The following MKNK1 variants were observed in gnomAD, a reference collection of about 807,000 sequenced individuals.
MKNK1 encodes MAP kinase-interacting serine/threonine-protein kinase 1.
MKNK1 carries 30 observed loss-of-function variants against 49.3 expected under a neutral mutation model. That is an observed-to-expected ratio of 0.61 (90% CI 0.46 to 0.83). The LOEUF (loss-of-function observed/expected upper bound fraction) is 0.83. MKNK1 is among the 40% of genes least tolerant of loss of function. MKNK1 has a pLI of 0.00. For synonymous variants in MKNK1, 176 were observed against 201.7 expected, an observed-to-expected ratio of 0.87 and a Z score of 1.08; for missense variants, 423 against 524.7, an observed-to-expected ratio of 0.81 and a Z score of 1.89.
At chr1:46,581,262 C>T (rs1026470773) in intron 3 of MKNK1, among the ~76,000 whole-genome samples, 4 of 151,428 alleles carry the variant, frequency 2.6e-5, no homozygotes, top group African/African-American at 4.9e-5. Flanking sequence ...CCTGTAGTCC[C>T]GGCACTTTGG....
chr1:46,564,985 G>GCTGGTCCGTGGAAACA, intron 9 of MKNK1, 56 bp downstream of exon 9: 3 of 1,542,348 alleles, frequency 1.9e-6, no homozygotes, highest in Non-Finnish European at 2.7e-6. Flanking sequence ...GGACCTCCCA[G>GCTGGTCCGTGGAAACA]CTCTGGATCA....
chr1:46,583,336 G>T lies in MKNK1; in HGVS notation c.-2-7C>A, dbSNP rs1672027041. The T allele has an allele frequency of 6.3e-7, 1 of 1,598,402 alleles. No homozygotes were observed. Among genetic ancestry groups the T allele is most frequent in the South Asian group, 1.1e-5 (1 of 90,654 alleles). On this transcript the variant is annotated splice_polypyrimidine_tract_variant and splice_region_variant and intron_variant, in intron 2 of 12. Transcript: ENST00000371945. The stretch of plus-strand genomic sequence containing the variant: ...GGTTCGCTACTGCCCATCTCTAGGA[G>T]ATAAGAGGAGATGTAAGGGAAACAT...
At position 46,576,624 on chromosome 1, in the gene MKNK1, T is replaced by G. The variant is rs757846508; in HGVS notation, c.229A>C (p.Ser77Arg). The G allele has an allele frequency of 1.8e-5, 29 of 1,614,018 alleles. No individual in the cohort carries two copies. The highest frequency in any genetic ancestry group is 2.5e-5 in the Non-Finnish European group (29 of 1,180,014). Reference sequence around the variant, plus strand: ...GTCTCCACCTCTCGAAACACCCTACTCCGACTGTGCCCTGCTTGTTTCTCG... The same window carrying G: ...GTCTCCACCTCTCGAAACACCCTACGCCGACTGTGCCCTGCTTGTTTCTCG... ...IIEKQAGHSR[S>R]RVFREVETLY... is the part of the protein sequence containing the mutation. The change falls in exon 5 of 13, where the codon AGT (serine) becomes CGT (arginine). Residue 77 changes from serine (S) to arginine (R), a missense_variant. By Grantham distance (110) the Ser-to-Arg change is moderately radical (BLOSUM62 -1). Coordinates refer to ENST00000371945, the MANE Select transcript of MKNK1 (RefSeq NM_001135553.4).
At chr1:46,561,157 CT>C (rs1225451583) in intron 11 of MKNK1, among the ~76,000 whole-genome samples, 2 of 152,186 alleles carry the variant, frequency 1.3e-5, no homozygotes, top group Non-Finnish European at 2.9e-5. Flanking sequence ...GCTAATGATG[CT>C]TCTATATAAG....
At chr1:46,573,481 TG>T (rs1670500460) in intron 6 of MKNK1, among the ~76,000 whole-genome samples, 2 of 152,214 alleles carry the variant, frequency 1.3e-5, no homozygotes, top group African/African-American at 4.8e-5. Context: ...CCAGCATTTC[TG>T]GGCTGAAGGT....
chr1:46,561,690 G>C (rs763097844), intron 10 of MKNK1, 48 bp from the exon 11 acceptor site: 1 of 1,590,994 alleles, frequency 6.3e-7, no homozygotes, highest in South Asian at 1.1e-5. Context: ...GGGATGGGCA[G>C]GATGTGCCTG....
At chr1:46,597,885 A>G (rs1263943546) in intron 1 of MKNK1, among the ~76,000 whole-genome samples, 1 of 152,224 alleles carries the variant, frequency 6.6e-6, no homozygotes, top group African/African-American at 2.4e-5. Context: ...ACAAAGCAGA[A>G]AAACCGAAGA....
At position 46,571,472 on chromosome 1, in the gene MKNK1, G is replaced by A. The variant is rs1322590080; in HGVS notation, c.457+591C>T. The A allele has an allele frequency of 6.3e-5, 24 of 382,050 alleles. 1 individual carries two copies. The highest frequency in any genetic ancestry group is 9.2e-5 in the Non-Finnish European group (18 of 195,746). 23.7% of individuals were successfully genotyped at this position (382,050 alleles called of 1,614,324 possible). A position where few individuals can be genotyped will look rare whatever the true frequency, so the allele number is the denominator to read the frequency against. On this transcript the variant is annotated intron_variant, in intron 7 of 12. Coordinates refer to ENST00000371945, the MANE Select transcript of MKNK1 (RefSeq NM_001135553.4). ...TGGGAGGATCACTGGAGCCCAGGGA[G>A]GTTGGGGCTGCAGTGAGCCCTGATG...
intron 9 of MKNK1, among the ~76,000 whole-genome samples, chr1:46,564,241 C>CAT (rs1668596562): frequency 1.3e-5 from 2 of 151,758 alleles, no homozygotes; most frequent in Non-Finnish European, 2.9e-5. Flanking sequence ...ATCCCATGTG[C>CAT]ATATAGCCTG....
intron 12 of MKNK1, among the ~76,000 whole-genome samples, chr1:46,559,482 G>A (rs193116769): frequency 5.1e-4 from 78 of 152,290 alleles, no homozygotes; most frequent in Middle Eastern, 3.4e-3. Flanking sequence ...AGCTGTAAAA[G>A]GGCTCCAGAG....
chr1:46,592,188 C>T (rs1018293097), intron 2 of MKNK1, among the ~76,000 whole-genome samples: 5 of 152,120 alleles, frequency 3.3e-5, no homozygotes, highest in Non-Finnish European at 7.4e-5. Flanking sequence ...TGCAGTGAGC[C>T]GAGGTCATGC....
At chr1:46,559,941 C>G in intron 12 of MKNK1, 1 of 520,340 alleles carries the variant, frequency 1.9e-6, no homozygotes, top group Non-Finnish European at 3.5e-6. Flanking sequence ...TGGGTAAGGT[C>G]TGTCTTTGGG....
intron 6 of MKNK1, 124 bp downstream of exon 6, chr1:46,574,823 A>T: frequency 1.6e-6 from 1 of 626,710 alleles, no homozygotes; most frequent in Non-Finnish European, 2.8e-6. Flanking sequence ...AATCAAGGGC[A>T]GTTTTTAAGT....
At chr1:46,586,896 C>G (rs1672651834) in intron 2 of MKNK1, among the ~76,000 whole-genome samples, 1 of 152,196 alleles carries the variant, frequency 6.6e-6, no homozygotes, top group Non-Finnish European at 1.5e-5. Flanking sequence ...CAACCTCTGC[C>G]TCCCGGGTTC....
chr1:46,599,346 C>T (rs1674452788), intron 1 of MKNK1, among the ~76,000 whole-genome samples: 1 of 152,152 alleles, frequency 6.6e-6, no homozygotes. Context: ...AGGCTGCCTC[C>T]CCCGACAGAC....
chr1:46,600,179 C>A (rs1413890764), intron 1 of MKNK1, among the ~76,000 whole-genome samples: 2 of 152,332 alleles, frequency 1.3e-5, no homozygotes, highest in Non-Finnish European at 2.9e-5. Context: ...ACATTCCTTA[C>A]TACATTTACC....
intron 3 of MKNK1, chr1:46,582,912 G>T (rs1181669770): frequency 1.9e-6 from 1 of 531,848 alleles, no homozygotes; most frequent in South Asian, 1.5e-5. Flanking sequence ...ATAGCTGAGG[G>T]AAGAATCACA....
Position 46,594,263 on chromosome 1 carries a change from G to A in MKNK1, c.-153C>T, listed in dbSNP as rs760915470. 1.6e-5 allele frequency: 13 copies of A among 802,770 alleles called. No homozygotes were observed. Among genetic ancestry groups the A allele is most frequent in the African/African-American group, 6.7e-5 (4 of 59,404 alleles). The allele number at this position is 802,770 out of a possible 1,614,324, so 49.7% of individuals were successfully genotyped here. A position where few individuals can be genotyped will look rare whatever the true frequency, so the allele number is the denominator to read the frequency against. On this transcript the variant is annotated 5_prime_UTR_variant, in exon 2 of 13. Coordinates refer to ENST00000371945, the MANE Select transcript of MKNK1 (RefSeq NM_001135553.4). ...AGGTGGCAATCTTCAGTTCTCCATCGGCCTCTGACATGGAAACCTTGAAAA... is the reference window on the plus strand; with the variant it reads ...AGGTGGCAATCTTCAGTTCTCCATCAGCCTCTGACATGGAAACCTTGAAAA...
At chr1:46,586,130 C>A in intron 2 of MKNK1, 1 of 363,326 alleles carries the variant, frequency 2.8e-6, no homozygotes, top group Non-Finnish European at 5.4e-6. Context: ...ATCACAGAGT[C>A]CACTAGCAGG....
Sources: allele counts gnomAD v4.1 joint callset (sites outside exome capture counted in the v4.1 genomes callset), GRCh38; gene constraint gnomAD v4.1.1; transcripts MANE v1.5; gene names NCBI Gene and HGNC (gene_info 2026-07-23, HGNC 2026-07-21).